Variants in LHFPL5 observed in about 807,000 individuals in gnomAD.
The protein encoded by LHFPL5 is LHFPL tetraspan subfamily member 5 protein.
Under a neutral mutation model 18.7 loss-of-function variants are expected in LHFPL5, and 12 were observed. The observed-to-expected ratio is 0.64, with a 90% CI of 0.41 to 1.04. The LOEUF (loss-of-function observed/expected upper bound fraction) is 1.04, where lower values mean the gene tolerates loss of function less well. Among genes scored for constraint, LHFPL5 ranks in the 50% least tolerant of loss-of-function variants. LHFPL5 has a pLI of 0.00. For missense variants in LHFPL5, 259 were observed against 292.1 expected (o/e 0.89, Z 0.83); for synonymous variants, 111 against 120.2 (o/e 0.92, Z 0.50).
intron 2 of LHFPL5, among the ~76,000 whole-genome samples, chr6:35,818,339 ATATATATATGTATTTTTTTTT>A (rs1459095636): frequency 2.5e-4 from 7 of 27,868 alleles, no homozygotes; most frequent in South Asian, 9.5e-4. Context: ...ATATATATAT[ATATATATATGTATTTTTTTTT>A]TTTTTTTTTT....
chr6:35,823,148 C>T lies in LHFPL5; in HGVS notation c.*183C>T, dbSNP rs143144751. ...TCCTGAGACAAGACCTCCTACTGTA[C>T]TCTTTCTGGGGAAGCAGAACTGCAG... On this transcript the variant is annotated 3_prime_UTR_variant, in exon 4 of 4. Transcript: ENST00000360215. The T allele has an allele frequency of 6.6e-6, 1 of 152,198 alleles. No individual in the cohort carries two copies. Among genetic ancestry groups the T allele is most frequent in the African/African-American group, 2.4e-5 (1 of 41,496 alleles). The allele number at this position is 152,198 out of a possible 1,614,324, so 9.4% of individuals were successfully genotyped here.
At chr6:35,813,214 A>T (rs989828515) in intron 1 of LHFPL5, among the ~76,000 whole-genome samples, 1 of 147,812 alleles carries the variant, frequency 6.8e-6, no homozygotes, top group Admixed American at 6.8e-5. Context: ...GGATTATTGA[A>T]CCCAACCATG....
intron 3 of LHFPL5, 184 bp downstream of exon 3, chr6:35,819,647 G>A: frequency 1.6e-6 from 1 of 640,270 alleles, no homozygotes; most frequent in Non-Finnish European, 2.8e-6. Context: ...ACCCTCACTG[G>A]GGAGCAAACA....
At chr6:35,817,323 A>G (rs1422784911) in intron 2 of LHFPL5, among the ~76,000 whole-genome samples, 2 of 152,356 alleles carry the variant, frequency 1.3e-5, no homozygotes, top group African/African-American at 2.4e-5. Flanking sequence ...TCAATCTAAA[A>G]AAAAAAATCT....
At chr6:35,822,101 A>G (rs1184515387) in intron 3 of LHFPL5, among the ~76,000 whole-genome samples, 1 of 151,090 alleles carries the variant, frequency 6.6e-6, no homozygotes, top group African/African-American at 2.4e-5. Flanking sequence ...GTTGTCCAGG[A>G]TGTTCTCGAA....
chr6:35,816,675 G>C (rs1768768639), intron 2 of LHFPL5, among the ~76,000 whole-genome samples: 1 of 152,006 alleles, frequency 6.6e-6, no homozygotes, highest in Admixed American at 6.6e-5. Flanking sequence ...AGCTAGGCTT[G>C]GTGGTGTGCC....
chr6:35,810,962 T>C (rs1333844093), intron 1 of LHFPL5, among the ~76,000 whole-genome samples: 1 of 152,176 alleles, frequency 6.6e-6, no homozygotes, highest in African/African-American at 2.4e-5. Flanking sequence ...ATTTCTTGCT[T>C]ATGGTCCGTG....
At chr6:35,818,358 T>C (rs1466409347) in intron 2 of LHFPL5, among the ~76,000 whole-genome samples, 2 of 31,566 alleles carry the variant, frequency 6.3e-5, no homozygotes, top group Non-Finnish European at 2.3e-4. Context: ...TGTATTTTTT[T>C]TTTTTTTTTT....
chr6:35,814,577 C>T lies in LHFPL5; in HGVS notation c.444C>T (p.Tyr148=). Reference sequence around the variant, plus strand: ...GCCTAATGATTGGCTGCCTGGTCTACCCTGATGGTTGGGACTCAAGTGAGG... The same window carrying T: ...GCCTAATGATTGGCTGCCTGGTCTATCCTGATGGTTGGGACTCAAGTGAGG... ...ATGLMIGCLV[Y]PDGWDSSEVR... Residue 148 remains tyrosine (Y), a synonymous_variant, in exon 2 of 4, where the codon TAC becomes TAT. Transcript: ENST00000360215. The surrounding 1 kb of genome is among the most constrained non-coding windows in gnomAD (Gnocchi z 4.2). 6.2e-7 allele frequency: 1 copy of T among 1,614,188 alleles called. No individual in the cohort carries two copies. The highest frequency in any genetic ancestry group is 8.5e-7 in the Non-Finnish European group (1 of 1,180,032).
chr6:35,808,450 C>T (rs1453386748), intron 1 of LHFPL5, among the ~76,000 whole-genome samples: 1 of 146,040 alleles, frequency 6.8e-6, no homozygotes, highest in Non-Finnish European at 1.5e-5. Flanking sequence ...GAGTTCGAGA[C>T]CAGCCTGAGC....
At chr6:35,809,045 C>A (rs1400762928) in intron 1 of LHFPL5, among the ~76,000 whole-genome samples, 2 of 152,076 alleles carry the variant, frequency 1.3e-5, no homozygotes, top group Admixed American at 1.3e-4. Context: ...TCATTAGTAC[C>A]CTTGCCAAGA....
rs2151072801 is a variant in LHFPL5 at position 35,823,126 on chromosome 6, T to C, written c.*161T>C. The C allele has an allele frequency of 2.0e-5, 3 of 152,266 alleles. No homozygotes were observed. The highest frequency in any genetic ancestry group is 7.2e-5 in the African/African-American group (3 of 41,552). 9.4% of individuals were successfully genotyped at this position (152,266 alleles called of 1,614,324 possible). A position where few individuals can be genotyped will look rare whatever the true frequency, so the allele number is the denominator to read the frequency against. The stretch of plus-strand genomic sequence containing the variant: ...ATAACACTAAAACTGGACAGTCTCC[T>C]GAGACAAGACCTCCTACTGTACTCT... On this transcript the variant is annotated 3_prime_UTR_variant, in exon 4 of 4. Coordinates refer to ENST00000360215, the MANE Select transcript of LHFPL5 (RefSeq NM_182548.4).
chr6:35,807,152 G>A (rs1768583744), intron 1 of LHFPL5, among the ~76,000 whole-genome samples: 1 of 152,096 alleles, frequency 6.6e-6, no homozygotes, highest in Non-Finnish European at 1.5e-5. Flanking sequence ...ACAATGTGGG[G>A]GCTGGGCACA....
intron 1 of LHFPL5, among the ~76,000 whole-genome samples, chr6:35,808,437 C>T (rs952055087): frequency 6.8e-5 from 10 of 146,482 alleles, no homozygotes; most frequent in Non-Finnish European, 1.4e-4. Flanking sequence ...TGCTTGAGCT[C>T]AGGAGTTCGA....
Position 35,823,467 on chromosome 6 carries a change from A to T in LHFPL5, c.*502A>T, listed in dbSNP as rs1388249031. On this transcript the variant is annotated 3_prime_UTR_variant, in exon 4 of 4. Coordinates refer to ENST00000360215, the MANE Select transcript of LHFPL5 (RefSeq NM_182548.4). ...TATATATACACACACACACACACAC[A>T]CACACACACACTCTCTCTCTCTCTC... The T allele has an allele frequency of 2.3e-4, 32 of 136,968 alleles. No homozygotes were observed. The highest frequency in any genetic ancestry group is 7.5e-4 in the African/African-American group (25 of 33,476). 8.5% of individuals were successfully genotyped at this position (136,968 alleles called of 1,614,324 possible).
In LHFPL5 at chr6:35,814,394, C is replaced by T. The variant is rs1451753202; in HGVS notation, c.413-152C>T. ...CCTCAGTTTTCTCACCTGTGTTCTG[C>T]AAGAAGGATGGTAGAGGCTGCCTCT... On this transcript the variant is annotated intron_variant, in intron 1 of 3. Coordinates refer to ENST00000360215, the MANE Select transcript of LHFPL5 (RefSeq NM_182548.4). This position sits in a 1 kb window ranked among gnomAD's most constrained non-coding sequence, Gnocchi z 4.2. 2 of 765,196 alleles carry T rather than the reference C, an allele frequency of 2.6e-6. No individual in the cohort carries two copies. Among genetic ancestry groups the T allele is most frequent in the Non-Finnish European group, 4.7e-6 (2 of 423,518 alleles). The allele number at this position is 765,196 out of a possible 1,614,324, so 47.4% of individuals were successfully genotyped here.
intron 2 of LHFPL5, among the ~76,000 whole-genome samples, chr6:35,818,918 G>A (rs1019538538): frequency 5.3e-5 from 8 of 151,752 alleles, no homozygotes; most frequent in African/African-American, 1.9e-4. Flanking sequence ...TGCAACCTCC[G>A]CCTCTCATTT....
At chr6:35,808,238 G>T (rs1217485354) in intron 1 of LHFPL5, among the ~76,000 whole-genome samples, 1 of 150,800 alleles carries the variant, frequency 6.6e-6, no homozygotes, top group Non-Finnish European at 1.5e-5. Context: ...ATTGCTTGAG[G>T]CCAGAAGTTC....
intron 3 of LHFPL5, among the ~76,000 whole-genome samples, chr6:35,822,738 T>G (rs1768889464): frequency 6.6e-6 from 1 of 151,280 alleles, no homozygotes; most frequent in Non-Finnish European, 1.5e-5. Flanking sequence ...CCGCCCGCCT[T>G]GGCCTCCCAA....
Sources: gnomAD v4.1 joint callset for allele counts (sites outside exome capture counted in the v4.1 genomes callset) on GRCh38, gnomAD v4.1.1 for gene constraint, Gnocchi (gnomAD v3.1) non-coding constraint, MANE v1.5 for transcripts, NCBI Gene and HGNC (gene_info 2026-07-23, HGNC 2026-07-21) for gene names.